Variants in NDUFAF2 observed in about 807,000 individuals in gnomAD.
NDUFAF2 encodes NADH:ubiquinone oxidoreductase complex assembly factor 2, also known as NADH dehydrogenase [ubiquinone] 1 alpha subcomplex assembly factor 2.
In NDUFAF2, 13 loss-of-function variants were observed where a neutral mutation model predicts 22.8. That is an observed-to-expected ratio of 0.57 (90% CI 0.37 to 0.91). The LOEUF (loss-of-function observed/expected upper bound fraction) is 0.91, where lower values mean the gene tolerates loss of function less well. NDUFAF2 is among the 40% of genes least tolerant of loss of function. The pLI is 0.01. For missense variants in NDUFAF2, 162 were observed against 195.2 expected, an observed-to-expected ratio of 0.83 and a Z score of 1.01; for synonymous variants, 53 against 64.2, an observed-to-expected ratio of 0.83 and a Z score of 0.84.
At chr5:60,983,399 G>C (rs1466093708) in intron 1 of NDUFAF2, among the ~76,000 whole-genome samples, 1 of 82,228 alleles carries the variant, frequency 1.2e-5, no homozygotes, top group Non-Finnish European at 2.6e-5. Context: ...AAGCTCTTTA[G>C]TTTAATTAGA....
At chr5:61,001,408 T>G (rs73095991) in intron 1 of NDUFAF2, among the ~76,000 whole-genome samples, 1 of 152,112 alleles carries the variant, frequency 6.6e-6, no homozygotes, top group Admixed American at 6.6e-5. Context: ...TTGTGAAGAT[T>G]GTGCACCAAT....
chr5:61,100,477 C>T (rs1478852028), intron 3 of NDUFAF2, among the ~76,000 whole-genome samples: 1 of 151,874 alleles, frequency 6.6e-6, no homozygotes, highest in Non-Finnish European at 1.5e-5. Context: ...CTTTTGTTGC[C>T]TCCCTTTAAG....
chr5:60,997,037 A>G (rs1216759729), intron 1 of NDUFAF2, among the ~76,000 whole-genome samples: 2 of 152,092 alleles, frequency 1.3e-5, no homozygotes, highest in Non-Finnish European at 2.9e-5. Flanking sequence ...GGAGCTTTCT[A>G]TTTCTCCATC....
At chr5:61,072,871 G>A (rs1328312511) in intron 1 of NDUFAF2, among the ~76,000 whole-genome samples, 1 of 152,094 alleles carries the variant, frequency 6.6e-6, no homozygotes, top group East Asian at 1.9e-4. Context: ...CAAAGTGCTG[G>A]GATTACAGGC....
intron 1 of NDUFAF2, among the ~76,000 whole-genome samples, chr5:61,027,518 T>C (rs1340002196): frequency 3.3e-5 from 5 of 152,034 alleles, no homozygotes; most frequent in Admixed American, 6.6e-5. Context: ...GCAAAACTGT[T>C]TTGTGAGAGA....
At chr5:61,002,601 A>G (rs985515187) in intron 1 of NDUFAF2, among the ~76,000 whole-genome samples, 3 of 152,154 alleles carry the variant, frequency 2.0e-5, no homozygotes, top group Non-Finnish European at 4.4e-5. Context: ...CCTTTCAGAA[A>G]TGTCTGTTCT....
chr5:61,020,485 C>T (rs75601549), intron 1 of NDUFAF2, among the ~76,000 whole-genome samples: 2,209 of 151,940 alleles, frequency 0.015, 17 homozygotes, highest in Non-Finnish European at 0.021. Flanking sequence ...TTTTAATTAT[C>T]TTATAATTTC....
intron 1 of NDUFAF2, among the ~76,000 whole-genome samples, chr5:60,989,509 G>A (rs1451955303): frequency 6.6e-6 from 1 of 151,854 alleles, no homozygotes; most frequent in Non-Finnish European, 1.5e-5. Flanking sequence ...AAGCACCCAT[G>A]AATGGCAGAC....
intron 3 of NDUFAF2, among the ~76,000 whole-genome samples, chr5:61,138,793 A>G (rs1424161192): frequency 1.3e-5 from 2 of 152,196 alleles, no homozygotes; most frequent in Admixed American, 1.3e-4. Flanking sequence ...AGTAATAAGT[A>G]GTAGAAGGAA....
At chr5:60,978,221 A>G (rs763375210) in intron 1 of NDUFAF2, among the ~76,000 whole-genome samples, 6 of 152,204 alleles carry the variant, frequency 3.9e-5, no homozygotes, top group African/African-American at 9.6e-5. Context: ...TGAATCGTCT[A>G]TCTCAGCAGT....
intron 1 of NDUFAF2, among the ~76,000 whole-genome samples, chr5:60,983,783 A>G (rs1053706629): frequency 6.6e-6 from 1 of 151,582 alleles, no homozygotes. Flanking sequence ...TACCAGTACC[A>G]TGCTGTTTTG....
chr5:61,146,161 CA>C (rs1357739183), intron 3 of NDUFAF2: 3 of 152,194 alleles, frequency 2.0e-5, no homozygotes. Flanking sequence ...TCTCCTGAAC[CA>C]GGTTCACAAA....
rs1374086826 is a variant in NDUFAF2, at chr5:60,976,150, A to T, written c.127+30768A>T. Among the ~76,000 whole-genome samples, 2 of 151,950 alleles carry T rather than the reference A, an allele frequency of 1.3e-5. 1 individual carries two copies. Among genetic ancestry groups the T allele is most frequent in the East Asian group, 3.9e-4 (2 of 5,190 alleles). Reference sequence around the variant, plus strand: ...GTTATAAGGGTCTACTATAAAGTAAATAAATACACTAACAGTTTCAAAAAT... The same window carrying T: ...GTTATAAGGGTCTACTATAAAGTAATTAAATACACTAACAGTTTCAAAAAT... On this transcript the variant is annotated intron_variant, in intron 1 of 3. Transcript: ENST00000296597.
chr5:61,079,160 G>A (rs1372050315), intron 2 of NDUFAF2, among the ~76,000 whole-genome samples: 1 of 152,138 alleles, frequency 6.6e-6, no homozygotes, highest in Non-Finnish European at 1.5e-5. Context: ...GACCATACCT[G>A]TCTATCATTA....
At position 60,989,661 on chromosome 5, in the gene NDUFAF2, T is replaced by C. The variant is rs180716147; in HGVS notation, c.127+44279T>C. On this transcript the variant is annotated intron_variant, in intron 1 of 3. Coordinates refer to ENST00000296597, the MANE Select transcript of NDUFAF2 (RefSeq NM_174889.5). Reference sequence around the variant, plus strand: ...AGCACAGGAACAGAAAACCAAATACTGCATGTGTTCTCTCTTATGAGTGGG... The same window carrying C: ...AGCACAGGAACAGAAAACCAAATACCGCATGTGTTCTCTCTTATGAGTGGG... Among the ~76,000 whole-genome samples the C allele has an allele frequency of 2.7e-3, 405 of 152,230 alleles. 1 individual carries two copies. The highest frequency in any genetic ancestry group is 4.6e-3 in the Non-Finnish European group (312 of 68,006).
chr5:61,129,634 G>A (rs552517742), intron 3 of NDUFAF2, among the ~76,000 whole-genome samples: 83 of 143,098 alleles, frequency 5.8e-4, no homozygotes, highest in African/African-American at 1.9e-3. Context: ...ACACAATGGG[G>A]CCTGTTGTGG....
At chr5:61,110,570 A>G (rs1042124396) in intron 3 of NDUFAF2, among the ~76,000 whole-genome samples, 1 of 151,870 alleles carries the variant, frequency 6.6e-6, no homozygotes, top group African/African-American at 2.4e-5. Context: ...GTGTCTAGGA[A>G]TTTACCCATT....
chr5:61,095,168 G>A (rs75825008), intron 2 of NDUFAF2, among the ~76,000 whole-genome samples: 3,699 of 152,278 alleles, frequency 0.024, 63 homozygotes, highest in Non-Finnish European at 0.038. Flanking sequence ...TGGGCAGGGT[G>A]GCTGGAGGCC....
At chr5:61,045,457 A>G (rs1027810660) in intron 1 of NDUFAF2, among the ~76,000 whole-genome samples, 1 of 150,704 alleles carries the variant, frequency 6.6e-6, no homozygotes, top group Middle Eastern at 3.2e-3. Flanking sequence ...TTGTAAGTGG[A>G]ATTGTTTCCT....
Sources: gnomAD v4.1 joint callset for allele counts (sites outside exome capture counted in the v4.1 genomes callset) on GRCh38, gnomAD v4.1.1 for gene constraint, MANE v1.5 for transcripts, NCBI Gene and HGNC (gene_info 2026-07-23, HGNC 2026-07-21) for gene names.